ANO6: variants seen among roughly 807,000 people sequenced by gnomAD.
ANO6 encodes the protein anoctamin 6.
Under a neutral mutation model 117.5 loss-of-function variants are expected in ANO6, and 106 were observed. The observed-to-expected ratio is 0.90, with a 90% CI of 0.77 to 1.06. The LOEUF is 1.06. Among genes scored for constraint, ANO6 ranks in the 50% least tolerant of loss-of-function variants. ANO6 has a pLI of 0.00. For missense variants in ANO6, 955 were observed against 1,121.1 expected, an observed-to-expected ratio of 0.85 and a Z score of 2.12; for synonymous variants, 367 against 385.1, an observed-to-expected ratio of 0.95 and a Z score of 0.55.
At chr12:45,218,644 A>T (rs987507889) in intron 1 of ANO6, among the ~76,000 whole-genome samples, 11 of 152,168 alleles carry the variant, frequency 7.2e-5, no homozygotes, top group Admixed American at 6.5e-4. Context: ...TGTTAAGTTT[A>T]TGCCTTTACA....
At chr12:45,408,630 A>G (rs528366859) in intron 15 of ANO6, among the ~76,000 whole-genome samples, 2 of 152,302 alleles carry the variant, frequency 1.3e-5, no homozygotes, top group East Asian at 3.9e-4. Context: ...AGCTTAAAAT[A>G]GGAATTGGAC....
intron 19 of ANO6, among the ~76,000 whole-genome samples, chr12:45,438,002 G>A (rs1298101965): frequency 6.6e-6 from 1 of 152,138 alleles, no homozygotes; most frequent in African/African-American, 2.4e-5. Flanking sequence ...AAAGACCAGC[G>A]CAGTCTTTCC....
intron 7 of ANO6, among the ~76,000 whole-genome samples, chr12:45,356,807 C>T (rs913761327): frequency 1.3e-5 from 2 of 152,078 alleles, no homozygotes; most frequent in East Asian, 1.9e-4. Context: ...TAAGTGGATC[C>T]GTACAGTTCA....
chr12:45,298,983 T>TAA (rs1194086669), intron 1 of ANO6, among the ~76,000 whole-genome samples: 2 of 145,612 alleles, frequency 1.4e-5, no homozygotes, highest in African/African-American at 2.5e-5. Flanking sequence ...AATACTGGTG[T>TAA]AAAAAAAAAA....
At chr12:45,238,600 G>A (rs1947686079) in intron 1 of ANO6, among the ~76,000 whole-genome samples, 1 of 152,142 alleles carries the variant, frequency 6.6e-6, no homozygotes, top group South Asian at 2.1e-4. Context: ...GGTAAGAGAG[G>A]GCATCCTAGT....
At chr12:45,350,346 A>G (rs1206760776) in intron 6 of ANO6, among the ~76,000 whole-genome samples, 3 of 151,782 alleles carry the variant, frequency 2.0e-5, no homozygotes, top group Non-Finnish European at 2.9e-5. Context: ...GGGTGGCCCA[A>G]TTTTTCATTG....
chr12:45,428,810 T>C (rs533114867), intron 19 of ANO6, among the ~76,000 whole-genome samples: 12 of 152,338 alleles, frequency 7.9e-5, no homozygotes, highest in African/African-American at 2.9e-4. Context: ...TCCTAGTTTT[T>C]AAGTTTAATG....
intron 16 of ANO6, among the ~76,000 whole-genome samples, chr12:45,416,352 ATCT>A (rs1565765620): frequency 6.6e-6 from 1 of 152,184 alleles, no homozygotes; most frequent in Admixed American, 6.5e-5. Context: ...TAAACCACAA[ATCT>A]TCTTTCAACA....
In ANO6 at chr12:45,421,188, A is replaced by T; in HGVS notation, c.2335A>T (p.Thr779Ser). The stretch of plus-strand genomic sequence containing the variant: ...CACCATGGAAGGGTACATCAACAAC[A>T]CTCTCTCCATCTTCAAAGTCGCAGA... ...SYTMEGYINN[T>S]LSIFKVADFK... Residue 779 changes from threonine (T) to serine (S), a missense_variant, in exon 18 of 20, where the codon ACT becomes TCT. Thr to Ser is a moderately conservative substitution (Grantham distance 58). Coordinates refer to ENST00000320560, the MANE Select transcript of ANO6 (RefSeq NM_001025356.3). 1 of 1,613,890 alleles carries T rather than the reference A, an allele frequency of 6.2e-7. No individual in the cohort carries two copies. The highest frequency in any genetic ancestry group is 8.5e-7 in the Non-Finnish European group (1 of 1,179,966).
At chr12:45,262,877 A>G (rs1266066784) in intron 1 of ANO6, among the ~76,000 whole-genome samples, 1 of 152,246 alleles carries the variant, frequency 6.6e-6, no homozygotes, top group Non-Finnish European at 1.5e-5. Flanking sequence ...ATTATAAACT[A>G]TACTTTGTGG....
At chr12:45,291,687 T>TA (rs1368411527) in intron 1 of ANO6, among the ~76,000 whole-genome samples, 1 of 152,154 alleles carries the variant, frequency 6.6e-6, no homozygotes, top group Non-Finnish European at 1.5e-5. Context: ...TACAGATATC[T>TA]AATAGCACAG....
chr12:45,413,522 G>C (rs904591128), intron 16 of ANO6, among the ~76,000 whole-genome samples: 1 of 152,226 alleles, frequency 6.6e-6, no homozygotes, highest in Admixed American at 6.5e-5. Context: ...GTGAGGCCAC[G>C]AGGGTGAATC....
chr12:45,336,191 C>T (rs1213908236), intron 3 of ANO6, among the ~76,000 whole-genome samples: 1 of 151,910 alleles, frequency 6.6e-6, no homozygotes, highest in Non-Finnish European at 1.5e-5. Flanking sequence ...TTTATAATAA[C>T]TGGGTTTTAA....
intron 10 of ANO6, among the ~76,000 whole-genome samples, chr12:45,379,394 T>C (rs969688671): frequency 1.3e-5 from 2 of 152,220 alleles, no homozygotes; most frequent in African/African-American, 4.8e-5. Context: ...TCAGTTACAT[T>C]GGCATTCAGC....
chr12:45,362,214 C>T (rs980391518), intron 8 of ANO6, among the ~76,000 whole-genome samples: 1 of 151,860 alleles, frequency 6.6e-6, no homozygotes, highest in Non-Finnish European at 1.5e-5. Flanking sequence ...CTTGAGTTAC[C>T]TTAAGTAGTA....
At chr12:45,423,192 T>C (rs761991495) in intron 19 of ANO6, 130 bp downstream of exon 19, 10 of 757,880 alleles carry the variant, frequency 1.3e-5, no homozygotes, top group Non-Finnish European at 2.3e-5. Context: ...TTAGGAAATA[T>C]GTTAATCAGT....
At chr12:45,319,897 A>G (rs564196129) in intron 2 of ANO6, among the ~76,000 whole-genome samples, 16 of 152,156 alleles carry the variant, frequency 1.1e-4, no homozygotes, top group Admixed American at 2.0e-4. Context: ...TTTCTAGTTT[A>G]TTGGCGTAGA....
rs146582219 is a variant in ANO6 at position 45,420,866 on chromosome 12, A to G, written c.2218-205A>G. 2.0e-3 allele frequency among the ~76,000 whole-genome samples: 300 copies of G among 152,070 alleles called. 7 individuals are homozygous for G. In the South Asian group the frequency reaches 0.038, roughly 20 times the overall value. ...ATGACAAAACCCTGTCTCTACTAAA[A>G]GTACAAAAATTAGCCAGGCGTGGTG... On this transcript the variant is annotated intron_variant, in intron 17 of 19. Coordinates refer to ENST00000320560, the MANE Select transcript of ANO6 (RefSeq NM_001025356.3).
chr12:45,333,140 T>C (rs1288757163), intron 3 of ANO6, among the ~76,000 whole-genome samples: 2 of 152,010 alleles, frequency 1.3e-5, no homozygotes, highest in African/African-American at 2.4e-5. Flanking sequence ...ATAATTATGG[T>C]TAAGATTAAA....
Sources: gnomAD v4.1 joint callset for allele counts (sites outside exome capture counted in the v4.1 genomes callset) on GRCh38, gnomAD v4.1.1 for gene constraint, MANE v1.5 for transcripts, NCBI Gene and HGNC (gene_info 2026-07-23, HGNC 2026-07-21) for gene names.